DUSP18: variants seen among roughly 807,000 people sequenced by gnomAD.
DUSP18 encodes dual specificity protein phosphatase 18.
A neutral mutation model predicts 6.3 loss-of-function variants in DUSP18; 4 were observed. The observed-to-expected ratio is 0.63, with a 90% CI of 0.31 to 1.45. DUSP18 has a LOEUF of 1.45. Ranked by LOEUF, DUSP18 falls within the 40% of genes most tolerant of loss-of-function variation. DUSP18 has a pLI of 0.07. For missense variants in DUSP18, 235 were observed against 247.7 expected (o/e 0.95, Z 0.34); for synonymous variants, 96 against 95.1 (o/e 1.01, Z -0.05).
chr22:30,656,308 T>C (rs1213042559), intron 2 of DUSP18, among the ~76,000 whole-genome samples: 1 of 151,992 alleles, frequency 6.6e-6, no homozygotes, highest in Non-Finnish European at 1.5e-5. Context: ...CATCCCAGGA[T>C]AGGAAAGCAG....
At chr22:30,667,046 G>A (rs1384295242) in intron 1 of DUSP18, 1 of 152,132 alleles carries the variant, frequency 6.6e-6, no homozygotes, top group African/African-American at 2.4e-5. Flanking sequence ...AGCTTGAGAG[G>A]GAGGAGGAGA....
rs937367910 is a variant in DUSP18 at position 30,661,876 on chromosome 22, G to A, written c.*1561C>T. The A allele has an allele frequency of 6.6e-6, 1 of 152,106 alleles. No homozygotes were observed. Among genetic ancestry groups the A allele is most frequent in the African/African-American group, 2.4e-5 (1 of 41,386 alleles). The allele number at this position is 152,106 out of a possible 1,614,324, so 9.4% of individuals were successfully genotyped here. ...GGTTTTCATAGTGATTCTAAACAAG[G>A]CTGCAGTCACTGTTTAGAAGTGATT... On this transcript the variant is annotated 3_prime_UTR_variant, in exon 2 of 2. Coordinates refer to ENST00000334679, the MANE Select transcript of DUSP18 (RefSeq NM_152511.5).
intron 1 of DUSP18, among the ~76,000 whole-genome samples, chr22:30,665,772 C>T (rs967913568): frequency 6.6e-6 from 1 of 152,202 alleles, no homozygotes; most frequent in African/African-American, 2.4e-5. Flanking sequence ...TTCACTCCCA[C>T]TCTATCACCA....
rs1428513952 is a variant in DUSP18, at chr22:30,663,401, T to C, written c.*36A>G. 6.4e-7 allele frequency: 1 copy of C among 1,570,410 alleles called. No individual in the cohort carries two copies. The highest frequency in any genetic ancestry group is 1.7e-5 in the Admixed American group (1 of 58,088). Reference sequence around the variant, plus strand: ...TGGTGTAAGATCAACAATAGATCTGTACCTCTGACTCCAATGCAGGGGCTC... The same window carrying C: ...TGGTGTAAGATCAACAATAGATCTGCACCTCTGACTCCAATGCAGGGGCTC... On this transcript the variant is annotated 3_prime_UTR_variant, in exon 2 of 2. Transcript: ENST00000334679.
chr22:30,653,116 C>T (rs763620541), intron 2 of DUSP18, among the ~76,000 whole-genome samples: 9 of 152,226 alleles, frequency 5.9e-5, no homozygotes, highest in Non-Finnish European at 1.0e-4. Context: ...ACAGCATGCA[C>T]TTAGTAAATG....
intron 2 of DUSP18, among the ~76,000 whole-genome samples, chr22:30,655,440 AAAAAAAAAGAAAAAG>A (rs2088319404): frequency 6.6e-6 from 1 of 151,508 alleles, no homozygotes; most frequent in Non-Finnish European, 1.5e-5. Context: ...AAAAAAAAAA[AAAAAAAAAGAAAAAG>A]AAAAAAAGAA....
chr22:30,666,621 C>CAA lies in DUSP18; in HGVS notation c.-78+839_-78+840dup, dbSNP rs55979351. On this transcript the variant is annotated intron_variant, in intron 1 of 1. Coordinates refer to ENST00000334679, the MANE Select transcript of DUSP18 (RefSeq NM_152511.5). ...TGGGAGACAGCGTGAGACTCCATCTCAAAAAAAAAAAAAAAAAAAAAAAAA... is the reference window on the plus strand; with the variant it reads ...TGGGAGACAGCGTGAGACTCCATCTCAAAAAAAAAAAAAAAAAAAAAAAAAAA... 6.0e-3 allele frequency among the ~76,000 whole-genome samples: 377 copies of CAA among 62,464 alleles called. 43 individuals are homozygous for CAA. Among genetic ancestry groups the CAA allele is most frequent in the South Asian group, 0.027 (33 of 1,218 alleles). The allele number at this position is 62,464 out of a possible 152,430, so 41.0% of individuals were successfully genotyped here. A position where few individuals can be genotyped will look rare whatever the true frequency, so the allele number is the denominator to read the frequency against.
chr22:30,652,771 C>G (rs1029603518), intron 2 of DUSP18, among the ~76,000 whole-genome samples: 2 of 152,232 alleles, frequency 1.3e-5, no homozygotes, highest in East Asian at 3.9e-4. Context: ...GTGAGTGATT[C>G]AAGAGAACAA....
intron 2 of DUSP18, among the ~76,000 whole-genome samples, chr22:30,653,637 G>A (rs1158830821): frequency 6.6e-6 from 1 of 151,822 alleles, no homozygotes; most frequent in Non-Finnish European, 1.5e-5. Flanking sequence ...GCCTCCCAAA[G>A]TGCTTGGGAT....
At chr22:30,655,429 C>CTAAAAAAAAAAAAA (rs1389184839) in intron 2 of DUSP18, among the ~76,000 whole-genome samples, 1 of 111,676 alleles carries the variant, frequency 9.0e-6, no homozygotes, top group African/African-American at 3.6e-5. Flanking sequence ...GAGATCCTAC[C>CTAAAAAAAAAAAAA]AAAAAAAAAA....
At chr22:30,655,255 A>AGACC (rs1760526217) in intron 2 of DUSP18, among the ~76,000 whole-genome samples, 1 of 151,278 alleles carries the variant, frequency 6.6e-6, no homozygotes, top group South Asian at 2.1e-4. Flanking sequence ...CAGGAGTTCC[A>AGACC]GACCCATCTG....
chr22:30,663,038 A>G lies in DUSP18; in HGVS notation c.*399T>C, dbSNP rs1325759961. 5.6e-6 allele frequency: 1 copy of G among 179,328 alleles called. No homozygotes were observed. Among genetic ancestry groups the G allele is most frequent in the Non-Finnish European group, 1.2e-5 (1 of 84,292 alleles). The allele number at this position is 179,328 out of a possible 1,614,324, so 11.1% of individuals were successfully genotyped here. ...TGTAAGAAGCGCAAGAGGTACCATGATGCTTAAGGCTCTGGCTCTGGGTGT... is the reference window on the plus strand; with the variant it reads ...TGTAAGAAGCGCAAGAGGTACCATGGTGCTTAAGGCTCTGGCTCTGGGTGT... On this transcript the variant is annotated 3_prime_UTR_variant, in exon 2 of 2. Transcript: ENST00000334679.
chr22:30,652,468 C>T (rs2088240640), intron 2 of DUSP18, among the ~76,000 whole-genome samples: 2 of 152,200 alleles, frequency 1.3e-5, no homozygotes, highest in African/African-American at 4.8e-5. Flanking sequence ...GGGAAAGGGC[C>T]ATTATCATCT....
intron 2 of DUSP18, chr22:30,654,359 C>T: frequency 4.3e-6 from 2 of 463,792 alleles, no homozygotes; most frequent in South Asian, 3.1e-5. Flanking sequence ...GTGGCTGTCA[C>T]TGTCTGGTAC....
At chr22:30,653,616 G>A (rs1033778348) in intron 2 of DUSP18, among the ~76,000 whole-genome samples, 10 of 151,438 alleles carry the variant, frequency 6.6e-5, no homozygotes, top group African/African-American at 1.2e-4. Context: ...CAAGTGACCC[G>A]CCCCCCCTCG....
downstream of DUSP18, among the ~76,000 whole-genome samples, chr22:30,656,662 A>G (rs1602092704): frequency 6.6e-6 from 1 of 152,160 alleles, no homozygotes; most frequent in Non-Finnish European, 1.5e-5. Flanking sequence ...AGGTTGTCTG[A>G]GTAAAAGGCT....
chr22:30,663,222 G>A lies in DUSP18; in HGVS notation c.*215C>T. Reference sequence around the variant, plus strand: ...TCCCCTGGCCAGTGTCACTCACAGGGCAGAAAATTTATCTTCACCATCTCA... The same window carrying A: ...TCCCCTGGCCAGTGTCACTCACAGGACAGAAAATTTATCTTCACCATCTCA... On this transcript the variant is annotated 3_prime_UTR_variant, in exon 2 of 2. Transcript: ENST00000334679. 1.8e-6 allele frequency: 1 copy of A among 565,386 alleles called. No homozygotes were observed. Among genetic ancestry groups the A allele is most frequent in the Non-Finnish European group, 3.1e-6 (1 of 324,758 alleles). 35.0% of individuals were successfully genotyped at this position (565,386 alleles called of 1,614,324 possible).
At chr22:30,657,906 A>AAAT (rs56297954), downstream of DUSP18, among the ~76,000 whole-genome samples, 8,004 of 129,854 alleles carry the variant, frequency 0.062, 222 homozygotes, top group Non-Finnish European at 0.069. Context: ...TCTGTCTCAA[A>AAAT]AATAATAATA....
At chr22:30,657,276 A>AACACAC (rs146940549), downstream of DUSP18, among the ~76,000 whole-genome samples, 1 of 14,160 alleles carries the variant, frequency 7.1e-5, no homozygotes, top group Non-Finnish European at 1.5e-4. Context: ...CTCTACTAAA[A>AACACAC]ACACACACAC....
Sources: gnomAD v4.1 joint callset for allele counts (sites outside exome capture counted in the v4.1 genomes callset) on GRCh38, gnomAD v4.1.1 for gene constraint, MANE v1.5 for transcripts, NCBI Gene and HGNC (gene_info 2026-07-23, HGNC 2026-07-21) for gene names.